The following RASIP1 variants were observed in gnomAD, a reference collection of about 807,000 sequenced individuals.
The protein encoded by RASIP1 is Ras interacting protein 1, also known as ras-interacting protein 1.
RASIP1 carries 20 observed loss-of-function variants against 85.3 expected under a neutral mutation model. The observed-to-expected ratio is 0.23, with a 90% confidence interval of 0.17 to 0.34. The LOEUF is 0.34. Ranked by LOEUF, RASIP1 falls within the 10% of genes least tolerant of loss-of-function variation. RASIP1 has a pLI of 1.00. For missense variants in RASIP1, 1,170 were observed against 1,390.9 expected (o/e 0.84, Z 2.53); for synonymous variants, 617 against 647.1 (o/e 0.95, Z 0.71).
Position 48,729,043 on chromosome 19 carries a change from G to C in RASIP1, c.1727C>G (p.Ala576Gly). Residue 576 changes from alanine to glycine, a missense_variant, in exon 5 of 12, where the codon GCC becomes GGC. This residue lies in a region of RASIP1 where 426 missense variants were observed against 576.2 expected (regional missense o/e 0.74). Coordinates refer to ENST00000222145, the MANE Select transcript of RASIP1 (RefSeq NM_017805.3). Reference protein sequence around the residue: ...GSGDLPPLGPATLLALCVQHS... With the variant: ...GSGDLPPLGPGTLLALCVQHS... ...CTGCACGCACAGCGCCAGCAGCGTG[G>C]CGGGCCCGAGGGGCGGCAGGTCTCC... 1.4e-6 allele frequency: 2 copies of C among 1,404,990 alleles called. 1 individual carries two copies. The highest frequency in any genetic ancestry group is 3.0e-5 in the South Asian group (2 of 66,194). The allele number at this position is 1,404,990 out of a possible 1,614,324, so 87.0% of individuals were successfully genotyped here.
rs569795465 is a variant in RASIP1 at position 48,724,541 on chromosome 19, G to A, written c.2372-32C>T. Reference sequence around the variant, plus strand: ...GTGTTAAAGGTATGAGAGGCAGTTGGTTGGCTGGACTCTGTGCTCCTGCCT... The same window carrying A: ...GTGTTAAAGGTATGAGAGGCAGTTGATTGGCTGGACTCTGTGCTCCTGCCT... On this transcript the variant is annotated intron_variant, in intron 9 of 11. Coordinates refer to ENST00000222145, the MANE Select transcript of RASIP1 (RefSeq NM_017805.3). This position sits in a 1 kb window ranked among gnomAD's most constrained non-coding sequence, Gnocchi z 4.6. 2 of 1,603,076 alleles carry A rather than the reference G, an allele frequency of 1.2e-6. No individual in the cohort carries two copies. The highest frequency in any genetic ancestry group is 1.3e-5 in the African/African-American group (1 of 74,860).
chr19:48,732,543 C>T lies in RASIP1; in HGVS notation c.1179+2653G>A, dbSNP rs552818052. Among the ~76,000 whole-genome samples the T allele has an allele frequency of 7.2e-5, 11 of 152,030 alleles. No individual in the cohort carries two copies. The East Asian group carries it at 2.1e-3, about 29-fold the overall frequency. On this transcript the variant is annotated intron_variant, in intron 4 of 11. Transcript: ENST00000222145. ...TGCTGAGATTACAGGCATGAGCCAC[C>T]GCGCCCAGCCTGTTTTCCGTTTTTT...
chr19:48,733,821 T>G (rs1236750438), intron 4 of RASIP1, among the ~76,000 whole-genome samples: 28 of 137,120 alleles, frequency 2.0e-4, no homozygotes, highest in South Asian at 9.4e-4. Flanking sequence ...AAAAAAAGTG[T>G]GGGGGGGAGG....
At chr19:48,729,709 CTTTTTTTTTTTT>C (rs35424254) in intron 4 of RASIP1, 119 bp from the exon 5 acceptor site, 2 of 381,368 alleles carry the variant, frequency 5.2e-6, no homozygotes, top group South Asian at 2.4e-5. Flanking sequence ...CCTTCTTCTT[CTTTTTTTTTTTT>C]TTTTTTTTTT....
intron 4 of RASIP1, 32 bp downstream of exon 4, chr19:48,735,164 C>T: frequency 6.4e-7 from 1 of 1,567,598 alleles, no homozygotes; most frequent in Non-Finnish European, 8.7e-7. Context: ...GGGTATAGGG[C>T]TCTGGGCGTG....
chr19:48,734,699 T>C (rs1198587215), intron 4 of RASIP1, among the ~76,000 whole-genome samples: 2 of 151,980 alleles, frequency 1.3e-5, no homozygotes, highest in African/African-American at 4.8e-5. Flanking sequence ...GTTGGTCAGG[T>C]TGGTCTTGAA....
chr19:48,737,554 C>T (rs549652372), intron 3 of RASIP1: 18 of 985,460 alleles, frequency 1.8e-5, no homozygotes, highest in Non-Finnish European at 2.2e-5. Flanking sequence ...CTAAGGCCGT[C>T]TTATCCAAGG....
chr19:48,735,569 A>T lies in RASIP1; in HGVS notation c.824-18T>A. ...GCCGGTGCCTGCGGAGAGATGGAGA[A>T]CAGTGAGGCTGAGCCTGGAAAGACA... is the stretch of plus-strand genomic sequence containing the variant. On this transcript the variant is annotated intron_variant, in intron 3 of 11. Transcript: ENST00000222145. 1 of 1,510,642 alleles carries T rather than the reference A, an allele frequency of 6.6e-7. No homozygotes were observed. Among genetic ancestry groups the T allele is most frequent in the Non-Finnish European group, 8.9e-7 (1 of 1,128,368 alleles). 93.6% of individuals were successfully genotyped at this position (1,510,642 alleles called of 1,614,324 possible).
chr19:48,738,994 C>T lies in RASIP1; in HGVS notation c.789G>A (p.Leu263=). ...CCGCGGCCCCGAAGGCCTCCTGCTC[C>T]AGGCGCCGCGCCTCCTCGCGGCCGC... The part of the protein sequence containing the change: ...ELRGREEARR[L]EQEAFGAADS... The change falls in exon 3 of 12, where the codon CTG becomes CTA. Residue 263 remains leucine (L), a synonymous_variant. Transcript: ENST00000222145. This position sits in a 1 kb window ranked among gnomAD's most constrained non-coding sequence, Gnocchi z 4.0. 1 of 1,243,892 alleles carries T rather than the reference C, an allele frequency of 8.0e-7. No homozygotes were observed. The highest frequency in any genetic ancestry group is 1.0e-6 in the Non-Finnish European group (1 of 997,910). The allele number at this position is 1,243,892 out of a possible 1,614,324, so 77.1% of individuals were successfully genotyped here. A position where few individuals can be genotyped will look rare whatever the true frequency, so the allele number is the denominator to read the frequency against.
Position 48,740,022 on chromosome 19 carries a change from A to C in RASIP1, c.137+124T>G. ...TGTGCCCCACCGTCTCCCCCTGCCC[A>C]CCAGCTCGTTTGCCCAATTCAGGAT... On this transcript the variant is annotated intron_variant, in intron 2 of 11. Transcript: ENST00000222145. This position sits in a 1 kb window ranked among gnomAD's most constrained non-coding sequence, Gnocchi z 5.5. 1 of 1,305,900 alleles carries C rather than the reference A, an allele frequency of 7.7e-7. No homozygotes were observed. Among genetic ancestry groups the C allele is most frequent in the Non-Finnish European group, 1.0e-6 (1 of 980,134 alleles). The allele number at this position is 1,305,900 out of a possible 1,614,324, so 80.9% of individuals were successfully genotyped here. A position where few individuals can be genotyped will look rare whatever the true frequency, so the allele number is the denominator to read the frequency against.
chr19:48,720,911 C>T lies in RASIP1; in HGVS notation c.2779G>A (p.Asp927Asn), dbSNP rs766982541. Residue 927 changes from aspartate (D) to asparagine (N), a missense_variant, in exon 12 of 12, where the codon GAC (aspartate) becomes AAC (asparagine). Physicochemically the swap from Asp to Asn is conservative, Grantham distance 23. Around this residue, in one of 4 missense-constraint regions of RASIP1, gnomAD observed 144 missense variants for 125.5 expected, o/e 1.15. Coordinates refer to ENST00000222145, the MANE Select transcript of RASIP1 (RefSeq NM_017805.3). ...SRLRLTGPVT[D>N]DALHRELRRL... ...CGGAGTTCACGGTGCAAGGCATCGT[C>T]CGTCACTGGACCAGTGAGGCGCAGG... 1.3e-5 allele frequency: 21 copies of T among 1,613,750 alleles called. No homozygotes were observed. The highest frequency in any genetic ancestry group is 2.2e-5 in the East Asian group (1 of 44,870).
In RASIP1 at chr19:48,735,505, C is replaced by T. The variant is rs1435928094; in HGVS notation, c.870G>A (p.Ala290=). ...SWRPQKNRSR[A]ASGGAALASP... Reference sequence around the variant, plus strand: ...TGGCCAGCGCTGCCCCACCCGACGCCGCCCGGGAGCGGTTCTTCTGTGGCC... The same window carrying T: ...TGGCCAGCGCTGCCCCACCCGACGCTGCCCGGGAGCGGTTCTTCTGTGGCC... Residue 290 remains alanine (A), a synonymous_variant, in exon 4 of 12, where the codon GCG becomes GCA. Transcript: ENST00000222145. 2.0e-5 allele frequency: 31 copies of T among 1,550,058 alleles called. No homozygotes were observed. Among genetic ancestry groups the T allele is most frequent in the Non-Finnish European group, 2.6e-5 (30 of 1,146,670 alleles).
chr19:48,737,816 G>T (rs1028124522), intron 3 of RASIP1: 5 of 983,096 alleles, frequency 5.1e-6, no homozygotes, highest in African/African-American at 3.5e-5. Flanking sequence ...CCCCACCACA[G>T]GCCCCGCCCC....
In RASIP1 at chr19:48,735,189, C is replaced by T; in HGVS notation, c.1179+7G>A. On this transcript the variant is annotated splice_region_variant and intron_variant, in intron 4 of 11. Coordinates refer to ENST00000222145, the MANE Select transcript of RASIP1 (RefSeq NM_017805.3). ...CTCTGGGCGTGCGGGGCTGGGGCGGCGGTTACCTGGGCGTCCTGGTAGCCC... is the reference window on the plus strand; with the variant it reads ...CTCTGGGCGTGCGGGGCTGGGGCGGTGGTTACCTGGGCGTCCTGGTAGCCC... 6.2e-7 allele frequency: 1 copy of T among 1,600,970 alleles called. No individual in the cohort carries two copies.
chr19:48,734,179 C>G (rs938579239), intron 4 of RASIP1, among the ~76,000 whole-genome samples: 17 of 151,842 alleles, frequency 1.1e-4, no homozygotes, highest in Non-Finnish European at 1.9e-4. Flanking sequence ...CCTGTAGTCC[C>G]AGCTACTCGG....
chr19:48,721,884 G>T lies in RASIP1; in HGVS notation c.2662C>A (p.Pro888Thr). 1 of 1,607,692 alleles carries T rather than the reference G, an allele frequency of 6.2e-7. No individual in the cohort carries two copies. Reference protein sequence around the residue: ...GRGPPAAWDPPPAEREAVDTG... With the variant: ...GRGPPAAWDPTPAEREAVDTG... ...TCCACAGCCTCCCGCTCTGCAGGGG[G>T]AGGGTCCCACGCGGCTGGCGGCCCG... The change falls in exon 11 of 12, where the codon CCC becomes ACC. Residue 888 changes from proline (P) to threonine (T), a missense_variant. By Grantham distance (38) the Pro-to-Thr change is conservative (BLOSUM62 -1). Around this residue, in one of 4 missense-constraint regions of RASIP1, gnomAD observed 144 missense variants for 125.5 expected, o/e 1.15. Coordinates refer to ENST00000222145, the MANE Select transcript of RASIP1 (RefSeq NM_017805.3).
In RASIP1 at chr19:48,739,162, A is replaced by C. The variant is rs2122489735; in HGVS notation, c.621T>G (p.Ala207=). The C allele has an allele frequency of 6.9e-7, 1 of 1,448,742 alleles. No homozygotes were observed. Among genetic ancestry groups the C allele is most frequent in the Non-Finnish European group, 9.0e-7 (1 of 1,107,534 alleles). 89.7% of individuals were successfully genotyped at this position (1,448,742 alleles called of 1,614,324 possible). Residue 207 remains alanine (A), a synonymous_variant, in exon 3 of 12, where the codon GCT becomes GCG. Coordinates refer to ENST00000222145, the MANE Select transcript of RASIP1 (RefSeq NM_017805.3). This position sits in a 1 kb window ranked among gnomAD's most constrained non-coding sequence, Gnocchi z 9.2. ...SCVDAFALCD[A]LGRPAAAGVG... The stretch of plus-strand genomic sequence containing the variant: ...CGCCCGCCGCCGCGGGCCGGCCCAG[A>C]GCGTCGCACAAAGCGAAGGCGTCCA...
rs1468056480 is a variant in RASIP1, at chr19:48,740,448, G to A, written c.-5+73C>T. On this transcript the variant is annotated intron_variant, in intron 1 of 11. Coordinates refer to ENST00000222145, the MANE Select transcript of RASIP1 (RefSeq NM_017805.3). This position sits in a 1 kb window ranked among gnomAD's most constrained non-coding sequence, Gnocchi z 5.5. ...ACCCTGGATTCCTGGGTCCTGGGAT[G>A]GAAGATGGCTGGGGGACTGAGTCTT... The A allele has an allele frequency of 2.2e-6, 3 of 1,395,122 alleles. No homozygotes were observed. The highest frequency in any genetic ancestry group is 2.8e-6 in the Non-Finnish European group (3 of 1,076,464). 86.4% of individuals were successfully genotyped at this position (1,395,122 alleles called of 1,614,324 possible). A position where few individuals can be genotyped will look rare whatever the true frequency, so the allele number is the denominator to read the frequency against.
Position 48,739,216 on chromosome 19 carries a change from G to A in RASIP1, c.567C>T (p.Pro189=). The change falls in exon 3 of 12, where the codon CCC becomes CCT. Residue 189 remains proline (P), a synonymous_variant. Transcript: ENST00000222145. The surrounding 1 kb of genome is among the most constrained non-coding windows in gnomAD (Gnocchi z 9.2). ...AGCTGCTCTCGCCGGGGCCACCGCC[G>A]GGGCTGCCTGCTAGGCCGTAGCGCT... is the stretch of plus-strand genomic sequence containing the variant. The part of the protein sequence containing the change: ...ALERYGLAGS[P]GGGPGESSCV... 2 of 1,481,122 alleles carry A rather than the reference G, an allele frequency of 1.4e-6. No individual in the cohort carries two copies. Among genetic ancestry groups the A allele is most frequent in the Non-Finnish European group, 1.8e-6 (2 of 1,122,878 alleles). The allele number at this position is 1,481,122 out of a possible 1,614,324, so 91.7% of individuals were successfully genotyped here.
Sources: allele counts gnomAD v4.1 joint callset (sites outside exome capture counted in the v4.1 genomes callset), GRCh38; gene constraint gnomAD v4.1.1; regional missense constraint gnomAD v4.1.1; non-coding constraint Gnocchi (gnomAD v3.1); transcripts MANE v1.5; gene names NCBI Gene and HGNC (gene_info 2026-07-23, HGNC 2026-07-21).